The following ARAP3 variants were observed in gnomAD, a reference collection of about 807,000 sequenced individuals.
ARAP3 encodes the protein arf-GAP with Rho-GAP domain, ANK repeat and PH domain-containing protein 3.
A neutral mutation model predicts 169.2 loss-of-function variants in ARAP3; 82 were observed. The ratio of observed to expected loss-of-function variants is 0.48; its 90% confidence interval spans 0.41 to 0.58. ARAP3 has a LOEUF of 0.58. Among genes scored for constraint, ARAP3 ranks in the 20% least tolerant of loss-of-function variants. The probability of loss-of-function intolerance (pLI) is 0.00; values close to 1 mark genes in which losing one functional copy is unlikely to be tolerated. For missense variants in ARAP3, 1,764 were observed against 2,018.0 expected (o/e 0.87, Z 2.41); for synonymous variants, 791 against 800.3 (o/e 0.99, Z 0.20).
At chr5:141,673,872 C>T in intron 4 of ARAP3, 64 bp from the exon 5 acceptor site, 1 of 1,497,198 alleles carries the variant, frequency 6.7e-7, no homozygotes. Flanking sequence ...CCTCTTTGTA[C>T]TTTCTCCATC....
chr5:141,670,667 CA>C (rs1252576491), intron 13 of ARAP3, 39 bp from the exon 14 acceptor site: 1 of 1,570,722 alleles, frequency 6.4e-7, no homozygotes, highest in Non-Finnish European at 8.8e-7. Flanking sequence ...CAACCAAGTG[CA>C]ACGGGATAAC....
At chr5:141,670,192 C>A in intron 14 of ARAP3, 129 bp from the exon 15 acceptor site, 1 of 1,296,972 alleles carries the variant, frequency 7.7e-7, no homozygotes, top group Non-Finnish European at 1.0e-6. Context: ...TTCACAATAA[C>A]CCTATGAGGT....
chr5:141,678,784 G>A (rs925844864), intron 4 of ARAP3, among the ~76,000 whole-genome samples: 7 of 151,660 alleles, frequency 4.6e-5, no homozygotes, highest in African/African-American at 9.7e-5. Context: ...CACCATGCCC[G>A]GCCAACCCCC....
At position 141,656,197 on chromosome 5, in the gene ARAP3, G is replaced by C. The variant is rs760487784; in HGVS notation, c.3869C>G (p.Thr1290Arg). The change falls in exon 28 of 33, where the codon ACA (threonine) becomes AGA (arginine). Residue 1290 changes from threonine to arginine, a missense_variant. Transcript: ENST00000239440. ...LGIRKKLKPP[T>R]PWGFTLILEK... ...CGGGCTGGGGAAGAAAACTCACGGTGTTGGGGGCTTTAACTTCTTGCGGAT... is the reference window on the plus strand; with the variant it reads ...CGGGCTGGGGAAGAAAACTCACGGTCTTGGGGGCTTTAACTTCTTGCGGAT... 6.2e-7 allele frequency: 1 copy of C among 1,614,056 alleles called. No individual in the cohort carries two copies. The highest frequency in any genetic ancestry group is 1.3e-5 in the African/African-American group (1 of 74,896).
rs767669647 is a variant in ARAP3 at position 141,679,979 on chromosome 5, G to C, written c.508C>G (p.Gln170Glu). 26 of 1,614,052 alleles carry C rather than the reference G, an allele frequency of 1.6e-5. No individual in the cohort carries two copies. Among genetic ancestry groups the C allele is most frequent in the Non-Finnish European group, 2.2e-5 (26 of 1,180,046 alleles). The change falls in exon 2 of 33, where the codon CAG (glutamine) becomes GAG (glutamate). Residue 170 changes from glutamine (Q) to glutamate (E), a missense_variant. Around this residue, in one of 3 missense-constraint regions of ARAP3, gnomAD observed 630 missense variants for 678.7 expected, o/e 0.93. Transcript: ENST00000239440. The stretch of plus-strand genomic sequence containing the variant: ...TCCACTCACTTGTCCTGAGCTGCCT[G>C]TGCCCTGCCTCTTGAGTCCAGGCCG... ...YFGLDSRGRA[Q>E]AAQDKAPDSS...
chr5:141,672,308 G>A lies in ARAP3; in HGVS notation c.1386-7C>T, dbSNP rs766641622. On this transcript the variant is annotated splice_region_variant and splice_polypyrimidine_tract_variant and intron_variant, in intron 9 of 32. Coordinates refer to ENST00000239440, the MANE Select transcript of ARAP3 (RefSeq NM_022481.6). This position sits in a 1 kb window ranked among gnomAD's most constrained non-coding sequence, Gnocchi z 4.9. ...CCCAGACTCGGCTGTGAAGCTGAGG[G>A]GTGGACAGCCAGTCCATGGGCATGG... is the stretch of plus-strand genomic sequence containing the variant. 5 of 1,613,868 alleles carry A rather than the reference G, an allele frequency of 3.1e-6. No individual in the cohort carries two copies. Among genetic ancestry groups the A allele is most frequent in the Non-Finnish European group, 4.2e-6 (5 of 1,180,012 alleles).
intron 4 of ARAP3, among the ~76,000 whole-genome samples, chr5:141,674,977 C>T (rs1329185392): frequency 1.3e-5 from 2 of 152,230 alleles, no homozygotes; most frequent in Non-Finnish European, 1.5e-5. Flanking sequence ...AATAACGTCC[C>T]ATTCGCACTT....
chr5:141,671,971 C>T lies in ARAP3; in HGVS notation c.1595G>A (p.Arg532Gln), dbSNP rs1022286744. Reference protein sequence around the residue: ...VICKQCAGQHRALGSGISKVQ... With the variant: ...VICKQCAGQHQALGSGISKVQ... ...CTTGGAGATCCCAGAACCCAGGGCC[C>T]GGTGCTGACCTGTGAGGGTGTGAGG... is the stretch of plus-strand genomic sequence containing the variant. The change falls in exon 11 of 33, where the codon CGG (arginine) becomes CAG (glutamine). Residue 532 changes from arginine (R) to glutamine (Q), a missense_variant. Physicochemically the swap from Arg to Gln is conservative, Grantham distance 43 (BLOSUM62 1). Transcript: ENST00000239440. The surrounding 1 kb of genome is among the most constrained non-coding windows in gnomAD (Gnocchi z 4.9). 8 of 1,614,142 alleles carry T rather than the reference C, an allele frequency of 5.0e-6. No homozygotes were observed. The highest frequency in any genetic ancestry group is 2.2e-5 in the East Asian group (1 of 44,878).
intron 32 of ARAP3, among the ~76,000 whole-genome samples, chr5:141,654,671 C>T (rs572845210): frequency 6.6e-6 from 1 of 151,834 alleles, no homozygotes; most frequent in African/African-American, 2.4e-5. Flanking sequence ...GAACCCAGGT[C>T]TGTCTAACTC....
At chr5:141,680,833 T>A (rs2099912863) in intron 1 of ARAP3, 2 of 318,534 alleles carry the variant, frequency 6.3e-6, no homozygotes, top group South Asian at 1.1e-4. Context: ...TGACTGCACA[T>A]CCAACTGAGT....
chr5:141,680,553 C>G, intron 1 of ARAP3, 50 bp from the exon 2 acceptor site: 3 of 1,512,718 alleles, frequency 2.0e-6, no homozygotes, highest in Non-Finnish European at 2.6e-6. Flanking sequence ...GAATCCCCCT[C>G]TCTGCCCCAG....
rs961298806 is a variant in ARAP3 at position 141,662,334 on chromosome 5, A to G, written c.2801-79T>C. On this transcript the variant is annotated intron_variant, in intron 19 of 32. Coordinates refer to ENST00000239440, the MANE Select transcript of ARAP3 (RefSeq NM_022481.6). ...ACCACGGCCCATCTGTGGCCTCCCT[A>G]TGTGGTATGTGGCTGATGGGGGCAT... 6.7e-5 allele frequency: 90 copies of G among 1,347,022 alleles called. 1 individual carries two copies. Among genetic ancestry groups the G allele is most frequent in the Non-Finnish European group, 8.5e-5 (81 of 950,468 alleles). The allele number at this position is 1,347,022 out of a possible 1,614,324, so 83.4% of individuals were successfully genotyped here. A position where few individuals can be genotyped will look rare whatever the true frequency, so the allele number is the denominator to read the frequency against.
chr5:141,655,445 G>C (rs766303865), intron 31 of ARAP3, 45 bp from the exon 32 acceptor site: 25 of 1,584,514 alleles, frequency 1.6e-5, no homozygotes, highest in Non-Finnish European at 2.1e-5. Flanking sequence ...AAGACATAAA[G>C]ACACAGTGAG....
chr5:141,665,010 C>A lies in ARAP3; in HGVS notation c.2712G>T (p.Gly904=), dbSNP rs1040881698. The change falls in exon 19 of 33, where the codon GGG becomes GGT. Residue 904 remains glycine, a synonymous_variant. Transcript: ENST00000239440. ...WNAAIGGAAG[G]GGTGLQEQQM... is the part of the protein sequence containing the mutation. ...GCTGCTCCTGCAGCCCTGTGCCGCCCCCACCAGCCGCGCCCCCAATGGCTG... is the reference window on the plus strand; with the variant it reads ...GCTGCTCCTGCAGCCCTGTGCCGCCACCACCAGCCGCGCCCCCAATGGCTG... The A allele has an allele frequency of 3.1e-6, 5 of 1,613,978 alleles. No individual in the cohort carries two copies. Among genetic ancestry groups the A allele is most frequent in the Non-Finnish European group, 4.2e-6 (5 of 1,179,980 alleles).
At chr5:141,666,054 AT>A (rs59347624) in intron 17 of ARAP3, among the ~76,000 whole-genome samples, 9,488 of 133,806 alleles carry the variant, frequency 0.071, 326 homozygotes, top group South Asian at 0.12. Context: ...AAAAAAAAAA[AT>A]AATAATAATA....
chr5:141,681,121 C>T (rs1219417643), intron 1 of ARAP3, among the ~76,000 whole-genome samples: 1 of 152,176 alleles, frequency 6.6e-6, no homozygotes, highest in Non-Finnish European at 1.5e-5. Context: ...GCCGCCTCCA[C>T]ATCCTGCCTG....
Position 141,672,176 on chromosome 5 carries a change from C to A in ARAP3, c.1511G>T (p.Cys504Phe). ...KIWSNRANRQ[C>F]ADCGSSRPDW... ...TGGGCGGGAGGACCCACAGTCCGCA[C>A]ACTGCCGGTTGGCCCGATTAGACCA... is the stretch of plus-strand genomic sequence containing the variant. The change falls in exon 10 of 33, where the codon TGT becomes TTT. Residue 504 changes from cysteine to phenylalanine, a missense_variant. Cys to Phe is a radical substitution (Grantham distance 205, BLOSUM62 -2). Transcript: ENST00000239440. The surrounding 1 kb of genome is among the most constrained non-coding windows in gnomAD (Gnocchi z 4.9). The A allele has an allele frequency of 1.2e-6, 2 of 1,614,212 alleles. No homozygotes were observed. Among genetic ancestry groups the A allele is most frequent in the Non-Finnish European group, 1.7e-6 (2 of 1,180,032 alleles).
In ARAP3 at chr5:141,669,741, T is replaced by C; in HGVS notation, c.2320A>G (p.Ser774Gly). 1 of 1,614,090 alleles carries C rather than the reference T, an allele frequency of 6.2e-7. No individual in the cohort carries two copies. Among genetic ancestry groups the C allele is most frequent in the Non-Finnish European group, 8.5e-7 (1 of 1,179,982 alleles). The change falls in exon 16 of 33, where the codon AGT becomes GGT. Residue 774 changes from serine (S) to glycine (G), a missense_variant. By Grantham distance (56) the Ser-to-Gly change is moderately conservative (BLOSUM62 0). Coordinates refer to ENST00000239440, the MANE Select transcript of ARAP3 (RefSeq NM_022481.6). Reference sequence around the variant, plus strand: ...ACAGCACTAGTCCAGGCCTCCAGACTGTCAGCTCCATCTGTGCCAAAATGC... The same window carrying C: ...ACAGCACTAGTCCAGGCCTCCAGACCGTCAGCTCCATCTGTGCCAAAATGC... Reference protein sequence around the residue: ...IQHFGTDGADSLEAWTSAVGK... With the variant: ...IQHFGTDGADGLEAWTSAVGK...
Position 141,656,188 on chromosome 5 carries a change from A to C in ARAP3, c.3872+6T>G. The stretch of plus-strand genomic sequence containing the variant: ...CTGGAAGTGCGGGCTGGGGAAGAAA[A>C]CTCACGGTGTTGGGGGCTTTAACTT... On this transcript the variant is annotated splice_donor_region_variant and intron_variant, in intron 28 of 32. Transcript: ENST00000239440. The C allele has an allele frequency of 6.2e-7, 1 of 1,613,356 alleles. No homozygotes were observed. Among genetic ancestry groups the C allele is most frequent in the Non-Finnish European group, 8.5e-7 (1 of 1,179,848 alleles).
Sources: gnomAD v4.1 joint callset for allele counts (sites outside exome capture counted in the v4.1 genomes callset) on GRCh38, gnomAD v4.1.1 for gene constraint, gnomAD v4.1.1 regional missense constraint, Gnocchi (gnomAD v3.1) non-coding constraint, MANE v1.5 for transcripts, NCBI Gene and HGNC (gene_info 2026-07-23, HGNC 2026-07-21) for gene names.